PRKAR1A: variants seen among roughly 807,000 people sequenced by gnomAD.
PRKAR1A encodes the protein cAMP-dependent protein kinase type I-alpha regulatory subunit.
Under a neutral mutation model 52.0 loss-of-function variants are expected in PRKAR1A, and 3 were observed. The ratio of observed to expected loss-of-function variants is 0.06; its 90% CI spans 0.03 to 0.15. The LOEUF is 0.15. Among genes scored for constraint, PRKAR1A ranks in the 10% least tolerant of loss-of-function variants. The pLI is 1.00. For synonymous variants in PRKAR1A, 188 were observed against 168.4 expected (o/e 1.12, Z -0.90); for missense variants, 240 against 477.4 (o/e 0.50, Z 4.63).
chr17:68,461,759 G>A, the PRKAR1A span, among the ~76,000 whole-genome samples: 7 of 152,196 alleles, frequency 4.6e-5, no homozygotes, highest in Non-Finnish European at 1.0e-4. The surrounding 1 kb of genome is among the most constrained non-coding windows in gnomAD (Gnocchi z 4.6). Context: ...GAGGGAGAGG[G>A]AGGGAAGGGC....
Position 68,522,975 on chromosome 17 carries a change from G to A in PRKAR1A, c.348+49G>A, listed in dbSNP as rs767197099. ...GGGGGATGCTTTTGGGACCCACTTGGTGGTCATCTAGTCTCCTTTGATGAA... is the reference window on the plus strand; with the variant it reads ...GGGGGATGCTTTTGGGACCCACTTGATGGTCATCTAGTCTCCTTTGATGAA... On this transcript the variant is annotated intron_variant, in intron 3 of 10. Transcript: ENST00000589228. 3.7e-6 allele frequency: 6 copies of A among 1,603,078 alleles called. No individual in the cohort carries two copies. The East Asian group carries it at 6.7e-5, about 18-fold the overall frequency.
At chr17:68,551,035 C>A in intron 11 of PRKAR1A, 1 of 1,218,338 alleles carries the variant, frequency 8.2e-7, no homozygotes, top group Non-Finnish European at 1.0e-6. Context: ...TGGAGGAAAG[C>A]ATGACTTGGG....
At chr17:68,550,610 A>T (rs1160461462) in intron 11 of PRKAR1A, among the ~76,000 whole-genome samples, 1 of 151,948 alleles carries the variant, frequency 6.6e-6, no homozygotes, top group Non-Finnish European at 1.5e-5. Context: ...CGAACTCCTG[A>T]CCTCAGGTGA....
chr17:68,530,843 C>T lies in PRKAR1A; in HGVS notation c.*394C>T. 6.6e-6 allele frequency: 8 copies of T among 1,206,806 alleles called. No homozygotes were observed. The highest frequency in any genetic ancestry group is 8.3e-6 in the Non-Finnish European group (8 of 961,198). The allele number at this position is 1,206,806 out of a possible 1,614,324, so 74.8% of individuals were successfully genotyped here. ...TTGTCCAGTTATAAGCGTATTTAGACTGTGGCCATATATGCTGTATTTCTT... is the reference window on the plus strand; with the variant it reads ...TTGTCCAGTTATAAGCGTATTTAGATTGTGGCCATATATGCTGTATTTCTT... On this transcript the variant is annotated 3_prime_UTR_variant, in exon 11 of 11. Transcript: ENST00000589228.
the PRKAR1A span, among the ~76,000 whole-genome samples, chr17:68,471,090 C>G: frequency 6.6e-6 from 1 of 152,010 alleles, no homozygotes; most frequent in Non-Finnish European, 1.5e-5. Context: ...TTTAAAAATT[C>G]AATGCATTTT....
intron 7 of PRKAR1A, among the ~76,000 whole-genome samples, 166 bp downstream of exon 7, chr17:68,526,078 C>T (rs944162986): frequency 2.6e-5 from 4 of 152,112 alleles, no homozygotes; most frequent in African/African-American, 9.7e-5. Context: ...TTGCATTAAG[C>T]CCAGCTTAGC....
At chr17:68,425,135 G>C in the PRKAR1A span, among the ~76,000 whole-genome samples, 1 of 152,290 alleles carries the variant, frequency 6.6e-6, no homozygotes, top group South Asian at 2.1e-4. Context: ...CAGGTTGCTG[G>C]GAAACCCAGC....
chr17:68,457,915 G>A, the PRKAR1A span, among the ~76,000 whole-genome samples: 2 of 152,170 alleles, frequency 1.3e-5, no homozygotes, highest in African/African-American at 4.8e-5. Flanking sequence ...ATGCGGCTGG[G>A]GCCAGATCTG....
At chr17:68,433,315 G>A in the PRKAR1A span, 2 of 716,520 alleles carry the variant, frequency 2.8e-6, no homozygotes, top group South Asian at 2.0e-5. Flanking sequence ...TGCCTCCAAA[G>A]TTTTGCTAAC....
intron 3 of PRKAR1A, 96 bp downstream of exon 3, chr17:68,523,022 G>T: frequency 6.9e-7 from 1 of 1,459,418 alleles, no homozygotes; most frequent in East Asian, 2.4e-5. Flanking sequence ...ATACAAAACA[G>T]GGTGGAACTT....
At chr17:68,426,247 A>C in the PRKAR1A span, 3 of 655,804 alleles carry the variant, frequency 4.6e-6, no homozygotes, top group East Asian at 4.3e-5. Flanking sequence ...GCGGGTGGGG[A>C]GCGGGGGCTC....
rs1189136158 is a variant in PRKAR1A, at chr17:68,531,705, TTTTC to T, written c.*1264_*1267del. 8 of 1,060,610 alleles carry T rather than the reference TTTTC, an allele frequency of 7.5e-6. No individual in the cohort carries two copies. Among genetic ancestry groups the T allele is most frequent in the Non-Finnish European group, 9.1e-6 (8 of 875,740 alleles). The allele number at this position is 1,060,610 out of a possible 1,614,324, so 65.7% of individuals were successfully genotyped here. ...TCTAGCATTTATTTCTCTGGCAAACTTTTCTTTCTTTTCTTTTTTAAAGTAAACT... is the reference window on the plus strand; with the variant it reads ...TCTAGCATTTATTTCTCTGGCAAACTTTTCTTTTCTTTTTTAAAGTAAACT... On this transcript the variant is annotated 3_prime_UTR_variant, in exon 11 of 11. Coordinates refer to ENST00000589228, the MANE Select transcript of PRKAR1A (RefSeq NM_002734.5).
At chr17:68,542,590 G>C (rs2143506807) in intron 11 of PRKAR1A, 1 of 873,736 alleles carries the variant, frequency 1.1e-6, no homozygotes, top group East Asian at 2.4e-5. Context: ...CCCAGTAATG[G>C]ATAGTGCTAG....
chr17:68,465,699 C>T, the PRKAR1A span, among the ~76,000 whole-genome samples: 2 of 139,740 alleles, frequency 1.4e-5, no homozygotes, highest in Non-Finnish European at 3.0e-5. Context: ...GAACTCCTGA[C>T]CTCAGGTGAT....
rs1298955100 is a variant in PRKAR1A, at chr17:68,530,694, C to T, written c.*245C>T. The T allele has an allele frequency of 5.0e-6, 7 of 1,407,202 alleles. No homozygotes were observed. The East Asian group carries it at 1.7e-4, about 34-fold the overall frequency. 87.2% of individuals were successfully genotyped at this position (1,407,202 alleles called of 1,614,324 possible). A position where few individuals can be genotyped will look rare whatever the true frequency, so the allele number is the denominator to read the frequency against. ...TTTGCTGTTACTGCTTCTCTTTGTG[C>T]AGTGTTAGTATTCACCCTGGGCAGT... is the stretch of plus-strand genomic sequence containing the variant. On this transcript the variant is annotated 3_prime_UTR_variant, in exon 11 of 11. Coordinates refer to ENST00000589228, the MANE Select transcript of PRKAR1A (RefSeq NM_002734.5).
chr17:68,542,359 C>T (rs1265971622), intron 11 of PRKAR1A, among the ~76,000 whole-genome samples: 2 of 152,142 alleles, frequency 1.3e-5, no homozygotes, highest in African/African-American at 4.8e-5. Context: ...TCCTGGGAAC[C>T]TGCTTTCAAA....
At chr17:68,451,695 C>A in the PRKAR1A span, among the ~76,000 whole-genome samples, 1 of 152,266 alleles carries the variant, frequency 6.6e-6, no homozygotes, top group Non-Finnish European at 1.5e-5. Flanking sequence ...TGGGAGGGGA[C>A]AGTAACACAG....
At chr17:68,550,261 A>C (rs2086771609) in intron 11 of PRKAR1A, among the ~76,000 whole-genome samples, 1 of 152,170 alleles carries the variant, frequency 6.6e-6, no homozygotes, top group Non-Finnish European at 1.5e-5. Context: ...TTTTAAAATC[A>C]ATATAAATAT....
At chr17:68,439,768 C>G in the PRKAR1A span, among the ~76,000 whole-genome samples, 2 of 152,196 alleles carry the variant, frequency 1.3e-5, no homozygotes, top group African/African-American at 4.8e-5. Context: ...TTATTTGCTG[C>G]TCTTTCAGGC....
Sources: gnomAD v4.1 joint callset for allele counts (sites outside exome capture counted in the v4.1 genomes callset) on GRCh38, gnomAD v4.1.1 for gene constraint, Gnocchi (gnomAD v3.1) non-coding constraint, MANE v1.5 for transcripts, NCBI Gene and HGNC (gene_info 2026-07-23, HGNC 2026-07-21) for gene names.